EPS15L1: variants seen among roughly 807,000 people sequenced by gnomAD.
The protein encoded by EPS15L1 is epidermal growth factor receptor substrate 15-like 1.
In EPS15L1, 43 loss-of-function variants were observed where a neutral mutation model predicts 117.1. The observed-to-expected ratio is 0.37, with a 90% confidence interval of 0.29 to 0.47. The LOEUF (loss-of-function observed/expected upper bound fraction) is 0.47. EPS15L1 is among the 20% of genes least tolerant of loss of function. The pLI, the probability that EPS15L1 is intolerant of heterozygous loss-of-function variation, is 0.99. For missense variants in EPS15L1, 981 were observed against 1,164.0 expected, an observed-to-expected ratio of 0.84 and a Z score of 2.29; for synonymous variants, 459 against 470.5, an observed-to-expected ratio of 0.98 and a Z score of 0.32.
intron 12 of EPS15L1, among the ~76,000 whole-genome samples, chr19:16,416,285 G>C (rs1441795283): frequency 6.6e-6 from 1 of 152,064 alleles, no homozygotes; most frequent in Non-Finnish European, 1.5e-5. Context: ...GCACCTTTGG[G>C]CCCTTCTGCA....
chr19:16,366,864 A>G (rs2092140111), intron 22 of EPS15L1, among the ~76,000 whole-genome samples: 1 of 152,030 alleles, frequency 6.6e-6, no homozygotes, highest in Admixed American at 6.5e-5. Context: ...TAGCGGCTGT[A>G]TTTTTCAAAC....
At chr19:16,422,499 G>T (rs2092826633) in intron 9 of EPS15L1, among the ~76,000 whole-genome samples, 1 of 152,020 alleles carries the variant, frequency 6.6e-6, no homozygotes, top group Non-Finnish European at 1.5e-5. Flanking sequence ...GAATTATCTA[G>T]ATGATGAGGG....
intron 1 of EPS15L1, among the ~76,000 whole-genome samples, chr19:16,443,288 G>C (rs1332721979): frequency 6.6e-6 from 1 of 152,160 alleles, no homozygotes; most frequent in African/African-American, 2.4e-5. Context: ...GACTGCTGTT[G>C]TACGATTTCT....
intron 12 of EPS15L1, among the ~76,000 whole-genome samples, chr19:16,417,024 G>A (rs988393683): frequency 6.6e-6 from 1 of 152,226 alleles, no homozygotes; most frequent in African/African-American, 2.4e-5. Context: ...CTCGCCATCT[G>A]AGACCCAATT....
intron 22 of EPS15L1, among the ~76,000 whole-genome samples, chr19:16,376,834 G>A (rs1009034420): frequency 6.6e-6 from 1 of 152,178 alleles, no homozygotes. Flanking sequence ...CGCACGAAGC[G>A]CCCCCAGCCA....
At chr19:16,394,418 G>A (rs186698289) in intron 17 of EPS15L1, among the ~76,000 whole-genome samples, 32 of 152,250 alleles carry the variant, frequency 2.1e-4, no homozygotes, top group African/African-American at 6.3e-4. Flanking sequence ...ATGAGGCGGC[G>A]GCACCCCTGG....
In EPS15L1 at chr19:16,394,015, G is replaced by A; in HGVS notation, c.1916-14C>T. The A allele has an allele frequency of 6.2e-7, 1 of 1,613,906 alleles. No individual in the cohort carries two copies. The highest frequency in any genetic ancestry group is 2.2e-5 in the East Asian group (1 of 44,886). ...GGAACGGGTCGCCTGGTTGGAAGAG[G>A]AGAGAAATGCTTATTAGCTCTAGGG... On this transcript the variant is annotated splice_polypyrimidine_tract_variant and intron_variant, in intron 17 of 23. Coordinates refer to ENST00000455140, the MANE Select transcript of EPS15L1 (RefSeq NM_001258374.3).
intron 13 of EPS15L1, chr19:16,412,718 G>T (rs1165993592): frequency 2.4e-5 from 3 of 127,636 alleles, no homozygotes; most frequent in Non-Finnish European, 4.1e-5. Context: ...GGGGGTGGGG[G>T]GGGGGGGGGT....
At position 16,361,923 on chromosome 19, in the gene EPS15L1, G is replaced by C. The variant is rs759265656; in HGVS notation, c.2442C>G (p.Phe814Leu). 2 of 1,613,978 alleles carry C rather than the reference G, an allele frequency of 1.2e-6. No individual in the cohort carries two copies. The highest frequency in any genetic ancestry group is 2.2e-5 in the East Asian group (1 of 44,896). Residue 814 changes from phenylalanine to leucine, a missense_variant, in exon 23 of 24, where the codon TTC (phenylalanine) becomes TTG (leucine). This residue lies in a region of EPS15L1 where 819 missense variants were observed against 949.0 expected (regional missense o/e 0.86). Coordinates refer to ENST00000455140, the MANE Select transcript of EPS15L1 (RefSeq NM_001258374.3). ...SADFPEAPDP[F>L]QPLGADSGDP... ...CGCCGCTGTCAGCCCCGAGTGGCTG[G>C]AATGGATCGGGGGCCTCGGGAAAGT...
At chr19:16,439,749 G>A (rs1007464278) in intron 4 of EPS15L1, among the ~76,000 whole-genome samples, 1 of 151,784 alleles carries the variant, frequency 6.6e-6, no homozygotes, top group Non-Finnish European at 1.5e-5. Flanking sequence ...CCTCAAAGAA[G>A]GGAGGTACAA....
chr19:16,438,382 G>A (rs2092997415), intron 4 of EPS15L1, among the ~76,000 whole-genome samples: 1 of 151,934 alleles, frequency 6.6e-6, no homozygotes, highest in Admixed American at 6.6e-5. Context: ...AAAATAAAAT[G>A]GACTTATTCC....
intron 19 of EPS15L1, among the ~76,000 whole-genome samples, chr19:16,390,091 T>A (rs539485242): frequency 3.4e-4 from 50 of 148,274 alleles, no homozygotes; most frequent in African/African-American, 8.6e-4. Flanking sequence ...GACTGGATTT[T>A]AAAAAAAAAA....
intron 10 of EPS15L1, among the ~76,000 whole-genome samples, chr19:16,420,139 ACTT>A (rs1012769988): frequency 1.3e-5 from 2 of 152,052 alleles, no homozygotes; most frequent in Non-Finnish European, 2.9e-5. Flanking sequence ...ACACATCTAG[ACTT>A]CTTTTCTCAT....
chr19:16,404,520 C>T lies in EPS15L1; in HGVS notation c.1428+68G>A, dbSNP rs113400958. 14 of 1,561,264 alleles carry T rather than the reference C, an allele frequency of 9.0e-6. No homozygotes were observed. In the African/African-American group the frequency reaches 1.1e-4, roughly 12 times the overall value. On this transcript the variant is annotated intron_variant, in intron 14 of 23. Coordinates refer to ENST00000455140, the MANE Select transcript of EPS15L1 (RefSeq NM_001258374.3). This position sits in a 1 kb window ranked among gnomAD's most constrained non-coding sequence, Gnocchi z 4.2. ...GTGTTGTGTTCCCAGGTAACACGAG[C>T]TCAGGGGAGTCCTTGGGAAGCCCCT...
Position 16,355,813 on chromosome 19 carries a change from C to T in EPS15L1, c.2625G>A (p.Arg875=). ...TCTCCTGTTCCGCCTTCTCGCTCTC[C>T]CGCTTGGCCCACGCCAGCTGCTGCT... ...NEEQQLAWAK[R]ESEKAEQERL... Residue 875 remains arginine, a synonymous_variant, in exon 24 of 24, where the codon CGG becomes CGA. Transcript: ENST00000455140. 2.0e-6 allele frequency: 3 copies of T among 1,536,146 alleles called. No individual in the cohort carries two copies. Among genetic ancestry groups the T allele is most frequent in the African/African-American group, 2.7e-5 (2 of 73,178 alleles).
At chr19:16,438,633 G>T (rs947666618) in intron 4 of EPS15L1, among the ~76,000 whole-genome samples, 2 of 152,148 alleles carry the variant, frequency 1.3e-5, no homozygotes, top group African/African-American at 4.8e-5. Context: ...GGGCTCAAGC[G>T]ATCCTCCTGC....
chr19:16,388,886 G>A (rs1303737981), intron 19 of EPS15L1, among the ~76,000 whole-genome samples: 1 of 152,008 alleles, frequency 6.6e-6, no homozygotes, highest in African/African-American at 2.4e-5. Flanking sequence ...GAGGCTGGAA[G>A]GCAGTGGAAA....
intron 15 of EPS15L1, 80 bp from the exon 16 acceptor site, chr19:16,402,565 A>G: frequency 7.5e-7 from 1 of 1,337,468 alleles, no homozygotes; most frequent in East Asian, 2.3e-5. Flanking sequence ...TTTAAAACAC[A>G]GGGTCTCACT....
intron 12 of EPS15L1, among the ~76,000 whole-genome samples, chr19:16,415,139 C>T (rs1450597286): frequency 6.6e-6 from 1 of 152,150 alleles, no homozygotes; most frequent in African/African-American, 2.4e-5. Flanking sequence ...GGGTTTAGTG[C>T]CCTTATAAGA....
Sources: allele counts gnomAD v4.1 joint callset (sites outside exome capture counted in the v4.1 genomes callset), GRCh38; gene constraint gnomAD v4.1.1; regional missense constraint gnomAD v4.1.1; non-coding constraint Gnocchi (gnomAD v3.1); transcripts MANE v1.5; gene names NCBI Gene and HGNC (gene_info 2026-07-23, HGNC 2026-07-21).